KIF9: variants seen among roughly 807,000 people sequenced by gnomAD.
The protein encoded by KIF9 is kinesin family member 9.
A neutral mutation model predicts 94.8 loss-of-function variants in KIF9; 68 were observed. The observed-to-expected ratio is 0.72, with a 90% confidence interval of 0.59 to 0.88. The LOEUF is 0.88. Among genes scored for constraint, KIF9 ranks in the 40% least tolerant of loss-of-function variants. The pLI is 0.00. For missense variants in KIF9, 882 were observed against 982.5 expected (o/e 0.90, Z 1.37); for synonymous variants, 343 against 362.1 (o/e 0.95, Z 0.60).
In KIF9 at chr3:47,245,424, C is replaced by A. The variant is rs1252919320; in HGVS notation, c.1377G>T (p.Gln459His). Residue 459 changes from glutamine to histidine, a missense_variant, in exon 14 of 21, where the codon CAG becomes CAT. Gln to His is a conservative substitution (Grantham distance 24). Coordinates refer to ENST00000684063, the MANE Select transcript of KIF9 (RefSeq NM_182902.4). ...RNDFAAISAI[Q>H]KAGLVDVDGH... ...GGCAAGTAGCAACTATGCTTACCTTCTGGATAGCAGAAATGGCTGCAAAGT... is the reference window on the plus strand; with the variant it reads ...GGCAAGTAGCAACTATGCTTACCTTATGGATAGCAGAAATGGCTGCAAAGT... 6.2e-7 allele frequency: 1 copy of A among 1,613,142 alleles called. No individual in the cohort carries two copies. The highest frequency in any genetic ancestry group is 1.7e-5 in the Admixed American group (1 of 60,020).
chr3:47,250,453 A>AAAAGT (rs3041335), intron 10 of KIF9: 86,120 of 257,334 alleles, frequency 0.33, 15,408 homozygotes, highest in Middle Eastern at 0.46. Flanking sequence ...AAGTGCTTTA[A>AAAAGT]AAAGCACTTG....
chr3:47,279,647 C>T (rs977243402), intron 1 of KIF9, among the ~76,000 whole-genome samples: 5 of 149,824 alleles, frequency 3.3e-5, no homozygotes, highest in Non-Finnish European at 7.4e-5. Context: ...GGCAGAGTCT[C>T]GCTCTATCAC....
intron 9 of KIF9, among the ~76,000 whole-genome samples, chr3:47,263,287 T>A (rs1464933797): frequency 6.6e-6 from 1 of 152,184 alleles, no homozygotes; most frequent in Non-Finnish European, 1.5e-5. Context: ...GACTCACCTG[T>A]GTCACTGGGC....
intron 1 of KIF9, among the ~76,000 whole-genome samples, chr3:47,278,759 G>A (rs761756887): frequency 1.3e-5 from 2 of 152,022 alleles, no homozygotes; most frequent in Non-Finnish European, 2.9e-5. Context: ...ATTACCTGAG[G>A]TCAGGAGTTC....
chr3:47,234,146 G>A (rs115954573), intron 20 of KIF9, among the ~76,000 whole-genome samples: 3,130 of 152,094 alleles, frequency 0.021, 57 homozygotes, highest in Non-Finnish European at 0.027. Flanking sequence ...GTGATGGGGT[G>A]TCCTGTCAGA....
rs146653901 is a variant in KIF9, at chr3:47,282,711, C to T, written c.-222G>A. On this transcript the variant is annotated 5_prime_UTR_variant, in exon 1 of 21. Coordinates refer to ENST00000684063, the MANE Select transcript of KIF9 (RefSeq NM_182902.4). ...GAATCGGGAAGACGAGAGATGGGGC[C>T]GATTGATCTAGAAAGACTTCGGCGG... 1,592 of 1,382,828 alleles carry T rather than the reference C, an allele frequency of 1.2e-3. 24 individuals are homozygous for T. The highest frequency in any genetic ancestry group is 7.8e-3 in the East Asian group (282 of 36,224). The allele number at this position is 1,382,828 out of a possible 1,614,324, so 85.7% of individuals were successfully genotyped here.
At position 47,244,819 on chromosome 3, in the gene KIF9, A is replaced by G; in HGVS notation, c.1486T>C (p.Ser496Pro). ...FSTKPGKKAK[S>P]KKTFKEPLSS... ...AGTGGCTCTTTGAATGTCTTCTTGG[A>G]CTTGGCTTTCTTCCCAGGTTTGGTA... The change falls in exon 15 of 21, where the codon TCC becomes CCC. Residue 496 changes from serine (S) to proline (P), a missense_variant. Ser to Pro is a moderately conservative substitution (Grantham distance 74). Coordinates refer to ENST00000684063, the MANE Select transcript of KIF9 (RefSeq NM_182902.4). 1 of 1,613,914 alleles carries G rather than the reference A, an allele frequency of 6.2e-7. No individual in the cohort carries two copies. The highest frequency in any genetic ancestry group is 8.5e-7 in the Non-Finnish European group (1 of 1,179,994).
Position 47,247,998 on chromosome 3 carries a change from C to A in KIF9, c.1128+20G>T. ...CTACCCCAGCACCTCTGCCCTCCTT[C>A]TTTGCCTCTAGCCTCTTACCAGGCT... On this transcript the variant is annotated intron_variant, in intron 11 of 20. Coordinates refer to ENST00000684063, the MANE Select transcript of KIF9 (RefSeq NM_182902.4). 6.2e-7 allele frequency: 1 copy of A among 1,602,210 alleles called. No individual in the cohort carries two copies. The highest frequency in any genetic ancestry group is 8.6e-7 in the Non-Finnish European group (1 of 1,169,330).
intron 17 of KIF9, among the ~76,000 whole-genome samples, chr3:47,237,720 T>C (rs1319830549): frequency 6.6e-6 from 1 of 152,184 alleles, no homozygotes; most frequent in Non-Finnish European, 1.5e-5. Flanking sequence ...TAGAGGAAAG[T>C]GTTAGCACTT....
chr3:47,234,273 G>A lies in KIF9; in HGVS notation c.2322+1240C>T, dbSNP rs957747223. 6.0e-5 allele frequency among the ~76,000 whole-genome samples: 9 copies of A among 149,590 alleles called. No individual in the cohort carries two copies. In the South Asian group the frequency reaches 8.5e-4, roughly 14 times the overall value. On this transcript the variant is annotated intron_variant, in intron 20 of 20. Transcript: ENST00000684063. ...TGGAGACGGAGTCTCTCATTCTGTC[G>A]CCGAGGCTGGAGTGTAGTGGTACAA...
intron 7 of KIF9, chr3:47,266,131 T>C: frequency 2.4e-6 from 1 of 411,698 alleles, no homozygotes; most frequent in South Asian, 4.0e-5. Context: ...TACATGAATA[T>C]TCATATGGAC....
chr3:47,258,319 C>A (rs184912388), intron 9 of KIF9, among the ~76,000 whole-genome samples: 4 of 152,282 alleles, frequency 2.6e-5, no homozygotes, highest in African/African-American at 7.2e-5. Flanking sequence ...AGTCATAGCT[C>A]ACTGCAGCCT....
chr3:47,281,973 C>G (rs991509201), intron 1 of KIF9, among the ~76,000 whole-genome samples: 9 of 152,210 alleles, frequency 5.9e-5, no homozygotes, highest in Non-Finnish European at 1.5e-5. Flanking sequence ...CACCCGAATC[C>G]AAAACACTGG....
At chr3:47,250,369 T>C (rs1196038706) in intron 10 of KIF9, among the ~76,000 whole-genome samples, 1 of 152,206 alleles carries the variant, frequency 6.6e-6, no homozygotes, top group African/African-American at 2.4e-5. Context: ...GTGATTATTA[T>C]TATGTATCTC....
In KIF9 at chr3:47,241,859, T is replaced by TAC. The variant is rs1393787014; in HGVS notation, c.1710-845_1710-844insGT. ...CATATATAAAATATATATATATATA[T>TAC]ATACACATATATATATATATATATA... is the stretch of plus-strand genomic sequence containing the variant. On this transcript the variant is annotated intron_variant, in intron 16 of 20. Coordinates refer to ENST00000684063, the MANE Select transcript of KIF9 (RefSeq NM_182902.4). Among the ~76,000 whole-genome samples the TAC allele has an allele frequency of 4.1e-3, 351 of 86,398 alleles. 3 individuals are homozygous for TAC. The highest frequency in any genetic ancestry group is 9.9e-3 in the African/African-American group (266 of 26,740). 56.7% of individuals were successfully genotyped at this position (86,398 alleles called of 152,430 possible).
intron 9 of KIF9, chr3:47,264,051 C>T (rs1701140926): frequency 1.8e-5 from 10 of 566,384 alleles, no homozygotes; most frequent in South Asian, 1.7e-4. Context: ...CACACAGTCT[C>T]CCATGCTGAG....
chr3:47,259,694 C>A (rs984974659), intron 9 of KIF9, among the ~76,000 whole-genome samples: 3 of 148,828 alleles, frequency 2.0e-5, no homozygotes, highest in African/African-American at 7.5e-5. Flanking sequence ...GAAACGTGTG[C>A]TGTGTCAACT....
chr3:47,260,374 A>C (rs1476029995), intron 9 of KIF9, among the ~76,000 whole-genome samples: 1 of 151,896 alleles, frequency 6.6e-6, no homozygotes, highest in Non-Finnish European at 1.5e-5. Flanking sequence ...CCATATGCTG[A>C]ACGCTGGTTC....
intron 9 of KIF9, 145 bp downstream of exon 9, chr3:47,264,141 C>A (rs1246924499): frequency 7.5e-6 from 5 of 670,732 alleles, no homozygotes; most frequent in Non-Finnish European, 1.4e-5. Flanking sequence ...CCCTCAGCAA[C>A]TGTGGCTCAG....
Sources: gnomAD v4.1 joint callset for allele counts (sites outside exome capture counted in the v4.1 genomes callset) on GRCh38, gnomAD v4.1.1 for gene constraint, MANE v1.5 for transcripts, NCBI Gene and HGNC (gene_info 2026-07-23, HGNC 2026-07-21) for gene names.